The following MAP3K5 variants were observed in gnomAD, a reference collection of about 807,000 sequenced individuals.
The protein encoded by MAP3K5 is mitogen-activated protein kinase kinase kinase 5, also known as ASK-1.
Under a neutral mutation model 158.7 loss-of-function variants are expected in MAP3K5, and 56 were observed. The ratio of observed to expected loss-of-function variants is 0.35; its 90% CI spans 0.28 to 0.44. MAP3K5 has a LOEUF of 0.44. Ranked by LOEUF, MAP3K5 falls within the 20% of genes least tolerant of loss-of-function variation. The pLI, the probability that MAP3K5 is intolerant of heterozygous loss-of-function variation, is 1.00. For missense variants in MAP3K5, 1,294 were observed against 1,674.8 expected, an observed-to-expected ratio of 0.77 and a Z score of 3.97; for synonymous variants, 579 against 601.7, an observed-to-expected ratio of 0.96 and a Z score of 0.55.
chr6:136,660,415 G>T (rs914560708), intron 8 of MAP3K5, among the ~76,000 whole-genome samples: 5 of 150,996 alleles, frequency 3.3e-5, no homozygotes, highest in Admixed American at 3.3e-4. Flanking sequence ...CTAAAAAAAA[G>T]AAAAAACAGA....
rs535547153 is a variant in MAP3K5, at chr6:136,721,623, T to G, written c.449-1034A>C. ...AAGACCTAGATCGTGAGTTTAAAAT[T>G]TATTTGCAGAATGCAAGGATAGCTC... On this transcript the variant is annotated intron_variant, in intron 1 of 29. Transcript: ENST00000359015. Among the ~76,000 whole-genome samples, 11 of 152,338 alleles carry G rather than the reference T, an allele frequency of 7.2e-5. 1 individual carries two copies. Among genetic ancestry groups the G allele is most frequent in the African/African-American group, 1.9e-4 (8 of 41,578 alleles).
intron 1 of MAP3K5, among the ~76,000 whole-genome samples, chr6:136,745,266 C>T (rs1361137833): frequency 6.7e-6 from 1 of 149,332 alleles, no homozygotes. Context: ...TTTCCTATAT[C>T]AGAGTATTAA....
intron 25 of MAP3K5, 152 bp downstream of exon 25, chr6:136,580,149 C>A: frequency 1.7e-6 from 1 of 587,020 alleles, no homozygotes; most frequent in Non-Finnish European, 3.0e-6. Context: ...ATTATCCAGA[C>A]TATATGTACT....
At chr6:136,789,950 C>T (rs547266171) in intron 1 of MAP3K5, among the ~76,000 whole-genome samples, 8 of 152,150 alleles carry the variant, frequency 5.3e-5, no homozygotes, top group South Asian at 2.1e-4. Context: ...CCTTGGCCTC[C>T]GAAAGTGCTG....
chr6:136,559,661 G>A (rs1830418201), intron 28 of MAP3K5, among the ~76,000 whole-genome samples: 2 of 152,150 alleles, frequency 1.3e-5, no homozygotes, highest in Admixed American at 6.5e-5. Context: ...CATAAAAGCA[G>A]AGTCTTAATT....
intron 26 of MAP3K5, among the ~76,000 whole-genome samples, chr6:136,567,094 C>T (rs541013009): frequency 5.6e-4 from 85 of 152,252 alleles, no homozygotes; most frequent in Middle Eastern, 3.4e-3. Flanking sequence ...GGGTTCTATG[C>T]TAGCAAATTA....
At position 136,592,215 on chromosome 6, in the gene MAP3K5, G is replaced by A. The variant is rs1228044383; in HGVS notation, c.3183C>T (p.Asp1061=). 1.2e-6 allele frequency: 2 copies of A among 1,605,564 alleles called. No homozygotes were observed. The highest frequency in any genetic ancestry group is 1.7e-6 in the Non-Finnish European group (2 of 1,176,688). Residue 1061 remains aspartate, a synonymous_variant, in exon 23 of 30, where the codon GAC becomes GAT. Coordinates refer to ENST00000359015, the MANE Select transcript of MAP3K5 (RefSeq NM_005923.4). ...TTAGGTTTCTCACAATTTTGTCTTGGTCTTCCGTCAGGATCCTGTGAAGGG... is the reference window on the plus strand; with the variant it reads ...TTAGGTTTCTCACAATTTTGTCTTGATCTTCCGTCAGGATCCTGTGAAGGG... ...RATLHRILTE[D]QDKIVRNLME...
chr6:136,651,239 C>A (rs192157660), intron 10 of MAP3K5, 148 bp from the exon 11 acceptor site: 72 of 529,450 alleles, frequency 1.4e-4, no homozygotes, highest in Middle Eastern at 4.9e-4. Flanking sequence ...CTTCTGATTG[C>A]TGTTATTCCT....
chr6:136,759,755 C>G (rs1783661807), intron 1 of MAP3K5, among the ~76,000 whole-genome samples: 1 of 126,080 alleles, frequency 7.9e-6, no homozygotes, highest in Non-Finnish European at 1.6e-5. Context: ...CCGCACCCAG[C>G]CCTCTATTTT....
intron 11 of MAP3K5, among the ~76,000 whole-genome samples, chr6:136,647,554 T>C (rs147028780): frequency 1.3e-5 from 2 of 152,228 alleles, no homozygotes; most frequent in Non-Finnish European, 2.9e-5. Context: ...ATGTTTAAAA[T>C]TCTTCTTCCT....
intron 15 of MAP3K5, among the ~76,000 whole-genome samples, chr6:136,621,824 C>T (rs910427641): frequency 7.2e-5 from 11 of 152,208 alleles, no homozygotes; most frequent in African/African-American, 1.7e-4. Context: ...TGGTGGCTCA[C>T]GCCTGTAATC....
chr6:136,704,529 C>A (rs2114703808), intron 3 of MAP3K5, among the ~76,000 whole-genome samples: 1 of 152,212 alleles, frequency 6.6e-6, no homozygotes, highest in Admixed American at 6.5e-5. Flanking sequence ...ATTGAATACA[C>A]TATAAAAGAT....
intron 3 of MAP3K5, among the ~76,000 whole-genome samples, chr6:136,702,332 C>T (rs1053201316): frequency 6.6e-6 from 1 of 152,082 alleles, no homozygotes; most frequent in Admixed American, 6.6e-5. Flanking sequence ...GATATAATTG[C>T]CCAGAAAAGC....
chr6:136,749,459 G>A (rs976200272), intron 1 of MAP3K5, among the ~76,000 whole-genome samples: 11 of 151,358 alleles, frequency 7.3e-5, no homozygotes, highest in Non-Finnish European at 1.2e-4. Flanking sequence ...GTGATACTCT[G>A]TTGGCCGGTT....
At chr6:136,754,638 C>G (rs1003421807) in intron 1 of MAP3K5, among the ~76,000 whole-genome samples, 3 of 151,758 alleles carry the variant, frequency 2.0e-5, no homozygotes, top group Non-Finnish European at 2.9e-5. Context: ...GATTATAGGG[C>G]TCCCCCACCC....
chr6:136,788,158 CTTCAACAAA>C (rs1277458972), intron 1 of MAP3K5, among the ~76,000 whole-genome samples: 1 of 152,162 alleles, frequency 6.6e-6, no homozygotes, highest in Admixed American at 6.6e-5. Context: ...ACCATCTGAT[CTTCAACAAA>C]GTCAACAAAG....
intron 3 of MAP3K5, 126 bp downstream of exon 3, chr6:136,704,984 A>G: frequency 3.7e-6 from 2 of 536,322 alleles, no homozygotes. Context: ...TTGATACATC[A>G]GAAAATCTAA....
intron 2 of MAP3K5, among the ~76,000 whole-genome samples, chr6:136,719,032 T>G (rs1401351077): frequency 2.0e-5 from 3 of 152,016 alleles, no homozygotes; most frequent in African/African-American, 7.2e-5. Context: ...AAAAATTAGC[T>G]GGGTGAGGTA....
At chr6:136,557,899 C>G in intron 29 of MAP3K5, 81 bp from the exon 30 acceptor site, 1 of 883,040 alleles carries the variant, frequency 1.1e-6, no homozygotes, top group Non-Finnish European at 1.9e-6. Context: ...GACTTCTTAG[C>G]TTTCATCTGC....
Sources: gnomAD v4.1 joint callset for allele counts (sites outside exome capture counted in the v4.1 genomes callset) on GRCh38, gnomAD v4.1.1 for gene constraint, MANE v1.5 for transcripts, NCBI Gene and HGNC (gene_info 2026-07-23, HGNC 2026-07-21) for gene names.